GRM7: variants seen among roughly 807,000 people sequenced by gnomAD.
GRM7 encodes the protein metabotropic glutamate receptor 7.
Under a neutral mutation model 84.5 loss-of-function variants are expected in GRM7, and 35 were observed. The observed-to-expected ratio is 0.41, with a 90% confidence interval of 0.32 to 0.55. The LOEUF (loss-of-function observed/expected upper bound fraction) is 0.55. GRM7 is among the 20% of genes least tolerant of loss of function. The probability of loss-of-function intolerance (pLI) is 0.19; values close to 1 mark genes in which losing one functional copy is unlikely to be tolerated. For missense variants in GRM7, 1,003 were observed against 1,194.6 expected (o/e 0.84, Z 2.36); for synonymous variants, 487 against 455.1 (o/e 1.07, Z -0.89).
chr3:6,976,434 G>C (rs1291230396), intron 1 of GRM7, among the ~76,000 whole-genome samples: 1 of 152,160 alleles, frequency 6.6e-6, no homozygotes, highest in South Asian at 2.1e-4. Flanking sequence ...CTGTAAGTGG[G>C]GAGGCCCTGC....
chr3:6,940,768 G>A (rs1034955036), intron 1 of GRM7, among the ~76,000 whole-genome samples: 10 of 152,130 alleles, frequency 6.6e-5, no homozygotes, highest in African/African-American at 2.4e-4. Flanking sequence ...ATGTAGCTTG[G>A]ACATCTATTT....
chr3:7,160,786 A>G (rs888410211), intron 2 of GRM7, among the ~76,000 whole-genome samples: 2 of 152,056 alleles, frequency 1.3e-5, no homozygotes, highest in Admixed American at 1.3e-4. Context: ...GTCCCTGGTT[A>G]TATGTTCCCA....
intron 1 of GRM7, among the ~76,000 whole-genome samples, chr3:6,915,361 G>T (rs1471451282): frequency 6.6e-6 from 1 of 152,108 alleles, no homozygotes; most frequent in Non-Finnish European, 1.5e-5. Context: ...TTTATCCCAT[G>T]TTGTACCTTG....
At chr3:7,014,743 G>A (rs6776803) in intron 1 of GRM7, among the ~76,000 whole-genome samples, 10,015 of 152,200 alleles carry the variant, frequency 0.066, 1,137 homozygotes, top group African/African-American at 0.23. Flanking sequence ...TAAGAATAGA[G>A]ACTGTATCAA....
intron 4 of GRM7, among the ~76,000 whole-genome samples, chr3:7,401,347 G>C (rs1355436019): frequency 1.3e-5 from 2 of 152,136 alleles, no homozygotes; most frequent in African/African-American, 4.8e-5. Flanking sequence ...CAGTAGGGCT[G>C]TAGTGCAAAC....
intron 1 of GRM7, among the ~76,000 whole-genome samples, chr3:6,972,262 A>G (rs1427624943): frequency 6.6e-6 from 1 of 152,314 alleles, no homozygotes; most frequent in East Asian, 1.9e-4. Flanking sequence ...TTATTAAAAA[A>G]GACTCCTGTG....
At chr3:6,872,892 T>A (rs1695173747) in intron 1 of GRM7, among the ~76,000 whole-genome samples, 1 of 152,218 alleles carries the variant, frequency 6.6e-6, no homozygotes, top group African/African-American at 2.4e-5. Flanking sequence ...TTCCAAGTCT[T>A]TGCTATTCTG....
intron 5 of GRM7, among the ~76,000 whole-genome samples, chr3:7,420,175 A>G (rs1351421705): frequency 6.6e-6 from 1 of 152,314 alleles, no homozygotes; most frequent in African/African-American, 2.4e-5. Context: ...CAGGCTCATT[A>G]GAGCCTATAT....
chr3:7,609,805 A>ACCAG (rs1476212622), intron 8 of GRM7, among the ~76,000 whole-genome samples: 1 of 152,148 alleles, frequency 6.6e-6, no homozygotes, highest in Non-Finnish European at 1.5e-5. Flanking sequence ...TTAAAGTAAA[A>ACCAG]CCAGCCAACA....
intron 7 of GRM7, among the ~76,000 whole-genome samples, chr3:7,544,407 C>A (rs1323858302): frequency 1.3e-5 from 2 of 152,150 alleles, no homozygotes; most frequent in Admixed American, 6.5e-5. Flanking sequence ...CCTCCCTCCT[C>A]AGCCTCGCAA....
Position 7,294,624 on chromosome 3 carries a change from G to A in GRM7, c.737-4060G>A, listed in dbSNP as rs767047064. 2.6e-4 allele frequency among the ~76,000 whole-genome samples: 40 copies of A among 151,754 alleles called. No homozygotes were observed. The Middle Eastern group carries it at 0.01, about 39-fold the overall frequency. On this transcript the variant is annotated intron_variant, in intron 2 of 9. Transcript: ENST00000357716. Reference sequence around the variant, plus strand: ...CATTGAACAAATTCTACTTCTACCTGAGTAGGCTACAACCAATATGGAGAC... The same window carrying A: ...CATTGAACAAATTCTACTTCTACCTAAGTAGGCTACAACCAATATGGAGAC...
chr3:7,505,005 A>G (rs1699998689), intron 7 of GRM7, among the ~76,000 whole-genome samples: 1 of 152,218 alleles, frequency 6.6e-6, no homozygotes, highest in Non-Finnish European at 1.5e-5. Flanking sequence ...TTGTGAAATC[A>G]AAACAAGTTA....
intron 7 of GRM7, among the ~76,000 whole-genome samples, chr3:7,569,789 A>G (rs1481075278): frequency 6.6e-6 from 1 of 152,080 alleles, no homozygotes; most frequent in East Asian, 1.9e-4. Flanking sequence ...GAAGGTCCGC[A>G]GCTTCACTCC....
At chr3:6,867,197 T>C (rs560933778) in intron 1 of GRM7, among the ~76,000 whole-genome samples, 2 of 152,348 alleles carry the variant, frequency 1.3e-5, no homozygotes, top group South Asian at 4.1e-4. Context: ...GAAAGCATTA[T>C]AGCAAAAGCA....
At chr3:6,897,302 A>T (rs2124996924) in intron 1 of GRM7, among the ~76,000 whole-genome samples, 1 of 152,320 alleles carries the variant, frequency 6.6e-6, no homozygotes, top group South Asian at 2.1e-4. Context: ...GGGGAATTGC[A>T]AATTCTTGGG....
rs116941454 is a variant in GRM7, at chr3:7,103,330, G to A, written c.520-43122G>A. On this transcript the variant is annotated intron_variant, in intron 1 of 9. Transcript: ENST00000357716. ...AGTCTGGTCCAAAAGTGGCTACCAA[G>A]CCTCTCTAATTTGGTAGGAGTCAGA... Among the ~76,000 whole-genome samples, 12 of 151,824 alleles carry A rather than the reference G, an allele frequency of 7.9e-5. No individual in the cohort carries two copies. The East Asian group carries it at 2.1e-3, about 27-fold the overall frequency.
Position 7,585,857 on chromosome 3 carries a change from G to A in GRM7, c.2451+6500G>A, listed in dbSNP as rs145607235. ...ACAGGAAACCATAACAGAGCGTGGT[G>A]TGCTGATGGGCAGTCAGGGGACTGC... On this transcript the variant is annotated intron_variant, in intron 8 of 9. Coordinates refer to ENST00000357716, the MANE Select transcript of GRM7 (RefSeq NM_000844.4). Among the ~76,000 whole-genome samples, 851 of 152,294 alleles carry A rather than the reference G, an allele frequency of 5.6e-3. 9 individuals are homozygous for A. The highest frequency in any genetic ancestry group is 0.019 in the African/African-American group (808 of 41,570).
At chr3:7,728,004 T>C (rs955967847) in intron 9 of GRM7, among the ~76,000 whole-genome samples, 3 of 152,214 alleles carry the variant, frequency 2.0e-5, no homozygotes, top group East Asian at 1.9e-4. Flanking sequence ...CTCTTCTCTT[T>C]TCCTAGCCAG....
intron 7 of GRM7, among the ~76,000 whole-genome samples, chr3:7,550,791 C>T (rs1693430509): frequency 6.6e-6 from 1 of 151,994 alleles, no homozygotes; most frequent in Admixed American, 6.6e-5. Context: ...GGCAAGACTA[C>T]CAGATCTGTA....
Sources: allele counts gnomAD v4.1 joint callset (sites outside exome capture counted in the v4.1 genomes callset), GRCh38; gene constraint gnomAD v4.1.1; transcripts MANE v1.5; gene names NCBI Gene and HGNC (gene_info 2026-07-23, HGNC 2026-07-21).